UCHL3: variants seen among roughly 807,000 people sequenced by gnomAD.
UCHL3 encodes ubiquitin C-terminal hydrolase L3.
In UCHL3, 22 loss-of-function variants were observed where a neutral mutation model predicts 35.8. The observed-to-expected ratio is 0.61, with a 90% CI of 0.44 to 0.88. UCHL3 has a LOEUF of 0.88. Ranked by LOEUF, UCHL3 falls within the 40% of genes least tolerant of loss-of-function variation. The pLI is 0.00. For synonymous variants in UCHL3, 90 were observed against 92.8 expected (o/e 0.97, Z 0.17); for missense variants, 229 against 276.9 (o/e 0.83, Z 1.23).
chr13:75,552,100 A>G (rs2031131894), intron 2 of UCHL3, among the ~76,000 whole-genome samples: 2 of 152,230 alleles, frequency 1.3e-5, no homozygotes, highest in African/African-American at 2.4e-5. Flanking sequence ...ATGATTGTAC[A>G]TTATATCTGG....
intron 7 of UCHL3, among the ~76,000 whole-genome samples, chr13:75,598,779 A>T (rs748996737): frequency 6.0e-4 from 91 of 152,324 alleles, no homozygotes; most frequent in Non-Finnish European, 1.1e-3. Flanking sequence ...GAAGTATGTC[A>T]TGCAGTTGCT....
At chr13:75,566,588 T>C (rs2031689266) in intron 3 of UCHL3, 107 bp from the exon 4 acceptor site, 4 of 721,798 alleles carry the variant, frequency 5.5e-6, no homozygotes, top group Non-Finnish European at 8.1e-6. Context: ...TTTAAACCCT[T>C]TCTTTCATAA....
At chr13:75,588,017 A>G (rs1188982681) in intron 6 of UCHL3, among the ~76,000 whole-genome samples, 1 of 151,898 alleles carries the variant, frequency 6.6e-6, no homozygotes, top group Admixed American at 6.6e-5. Context: ...GCTGTGCTAT[A>G]AGTAATAATT....
intron 6 of UCHL3, among the ~76,000 whole-genome samples, chr13:75,570,330 G>A (rs922659061): frequency 7.2e-5 from 11 of 151,850 alleles, no homozygotes; most frequent in South Asian, 2.1e-4. Context: ...TCCGCCTCCC[G>A]GGTCACTCCA....
rs1336112201 is a variant in UCHL3, at chr13:75,604,833, A to G, written c.609+6A>G. The G allele has an allele frequency of 1.9e-6, 3 of 1,590,456 alleles. No individual in the cohort carries two copies. Among genetic ancestry groups the G allele is most frequent in the Non-Finnish European group, 2.6e-6 (3 of 1,168,646 alleles). On this transcript the variant is annotated splice_donor_region_variant and intron_variant, in intron 8 of 8. Coordinates refer to ENST00000377595, the MANE Select transcript of UCHL3 (RefSeq NM_006002.5). ...GTGATGAAACTTTATTAGAGGTAAC[A>G]GTAACACTTGTTGGCCCATCTTCAT...
chr13:75,574,472 A>G (rs1417126675), intron 6 of UCHL3, among the ~76,000 whole-genome samples: 1 of 152,166 alleles, frequency 6.6e-6, no homozygotes, highest in Admixed American at 6.5e-5. Context: ...AGGCATGTAT[A>G]AGAATTACAT....
At chr13:75,569,654 A>G (rs1024082784) in intron 6 of UCHL3, 147 bp downstream of exon 6, 5 of 708,158 alleles carry the variant, frequency 7.1e-6, no homozygotes, top group Non-Finnish European at 1.1e-5. Flanking sequence ...GAATTTGCTT[A>G]AGCAAAAGCA....
chr13:75,575,254 C>T (rs9593098), intron 6 of UCHL3, among the ~76,000 whole-genome samples: 1 of 152,170 alleles, frequency 6.6e-6, no homozygotes, highest in African/African-American at 2.4e-5. Context: ...CCGTGATTGT[C>T]TGGTAGATCA....
chr13:75,567,105 A>G (rs1214797514), intron 4 of UCHL3, 122 bp from the exon 5 acceptor site: 1 of 979,208 alleles, frequency 1.0e-6, no homozygotes, highest in Non-Finnish European at 1.5e-6. Context: ...TGATCCTTAC[A>G]TTTCTAACCT....
chr13:75,573,301 A>G (rs890278920), intron 6 of UCHL3, among the ~76,000 whole-genome samples: 20 of 150,316 alleles, frequency 1.3e-4, no homozygotes, highest in African/African-American at 4.4e-4. Context: ...TCTCTCATCT[A>G]TGGGCTTAAG....
chr13:75,605,002 AG>A, intron 8 of UCHL3, 175 bp downstream of exon 8: 1 of 450,992 alleles, frequency 2.2e-6, no homozygotes, highest in Non-Finnish European at 3.7e-6. Flanking sequence ...ACAAATAAAG[AG>A]GTTTTCACAG....
intron 7 of UCHL3, among the ~76,000 whole-genome samples, chr13:75,595,597 CAAAAAAAAAAAAA>C (rs58733406): frequency 2.2e-4 from 10 of 45,658 alleles, no homozygotes; most frequent in East Asian, 9.2e-4. Flanking sequence ...TACTCCATCT[CAAAAAAAAAAAAA>C]AAAAAAAAAA....
intron 6 of UCHL3, among the ~76,000 whole-genome samples, chr13:75,578,532 C>T (rs2032090899): frequency 6.6e-6 from 1 of 152,052 alleles, no homozygotes; most frequent in Non-Finnish European, 1.5e-5. Flanking sequence ...TTTGTGTCTT[C>T]AAAGATCTTT....
intron 3 of UCHL3, among the ~76,000 whole-genome samples, chr13:75,563,707 A>G (rs1024701172): frequency 6.6e-6 from 1 of 152,020 alleles, no homozygotes; most frequent in African/African-American, 2.4e-5. Flanking sequence ...TTTTTCCTAT[A>G]CATCTGCTAT....
At chr13:75,600,458 A>T (rs2032752642) in intron 7 of UCHL3, among the ~76,000 whole-genome samples, 1 of 152,210 alleles carries the variant, frequency 6.6e-6, no homozygotes, top group Non-Finnish European at 1.5e-5. Context: ...TTTCAGTTGA[A>T]GCCAATGATC....
chr13:75,588,094 C>T (rs1030321082), intron 6 of UCHL3, among the ~76,000 whole-genome samples: 1 of 152,042 alleles, frequency 6.6e-6, no homozygotes, highest in Non-Finnish European at 1.5e-5. Context: ...AAGAGGCTAA[C>T]TGATTAAATT....
chr13:75,566,651 T>C (rs768239029), intron 3 of UCHL3, 44 bp from the exon 4 acceptor site: 1 of 1,225,536 alleles, frequency 8.2e-7, no homozygotes, highest in South Asian at 2.6e-5. Context: ...TTTTTTAATA[T>C]GTTATTTTCC....
In UCHL3 at chr13:75,561,600, A is replaced by T. The variant is rs569894543; in HGVS notation, c.183+719A>T. Among the ~76,000 whole-genome samples the T allele has an allele frequency of 8.4e-4, 127 of 151,978 alleles. 1 individual carries two copies. The South Asian group carries it at 0.026, about 31-fold the overall frequency. On this transcript the variant is annotated intron_variant, in intron 3 of 8. Coordinates refer to ENST00000377595, the MANE Select transcript of UCHL3 (RefSeq NM_006002.5). ...TTTTAAGTTGGTAGGGGAAACTGATAATGTAGGTTACATTATTTTCAAAAT... is the reference window on the plus strand; with the variant it reads ...TTTTAAGTTGGTAGGGGAAACTGATTATGTAGGTTACATTATTTTCAAAAT...
At chr13:75,594,825 A>G in intron 6 of UCHL3, 90 bp from the exon 7 acceptor site, 1 of 907,510 alleles carries the variant, frequency 1.1e-6, no homozygotes, top group South Asian at 1.5e-5. Flanking sequence ...CTCTTATATA[A>G]TTTGATGTTA....
Sources: gnomAD v4.1 joint callset for allele counts (sites outside exome capture counted in the v4.1 genomes callset) on GRCh38, gnomAD v4.1.1 for gene constraint, MANE v1.5 for transcripts, NCBI Gene and HGNC (gene_info 2026-07-23, HGNC 2026-07-21) for gene names.